MYO1B: variants seen among roughly 807,000 people sequenced by gnomAD.
MYO1B encodes the protein unconventional myosin-Ib.
Under a neutral mutation model 159.7 loss-of-function variants are expected in MYO1B, and 72 were observed. That is an observed-to-expected ratio of 0.45 (90% CI 0.37 to 0.55). The LOEUF is 0.55. MYO1B is among the 20% of genes least tolerant of loss of function. MYO1B has a pLI of 0.00. For synonymous variants in MYO1B, 468 were observed against 473.8 expected, an observed-to-expected ratio of 0.99 and a Z score of 0.16; for missense variants, 1,062 against 1,364.8, an observed-to-expected ratio of 0.78 and a Z score of 3.50.
Position 191,245,464 on chromosome 2 carries a change from G to A in MYO1B, c.-172G>A, listed in dbSNP as rs996427666. On this transcript the variant is annotated 5_prime_UTR_variant, in exon 1 of 31. Transcript: ENST00000392318. ...ACCGCGGCGCGTGGAGGCAGTACCA[G>A]AGCGCGCGGCGCGCAGTCGGCCGGC... 6.6e-6 allele frequency: 1 copy of A among 152,064 alleles called. No homozygotes were observed. The highest frequency in any genetic ancestry group is 2.4e-5 in the African/African-American group (1 of 41,432). The allele number at this position is 152,064 out of a possible 1,614,324, so 9.4% of individuals were successfully genotyped here. A position where few individuals can be genotyped will look rare whatever the true frequency, so the allele number is the denominator to read the frequency against.
intron 21 of MYO1B, among the ~76,000 whole-genome samples, chr2:191,398,786 G>A (rs1338748030): frequency 1.3e-5 from 2 of 151,810 alleles, no homozygotes; most frequent in African/African-American, 4.8e-5. Flanking sequence ...TCCAGACTGG[G>A]CAGCCAGGCA....
At chr2:191,412,923 G>A (rs576410297) in intron 27 of MYO1B, among the ~76,000 whole-genome samples, 9 of 152,276 alleles carry the variant, frequency 5.9e-5, no homozygotes, top group Non-Finnish European at 1.2e-4. Flanking sequence ...AGGAGAAGAG[G>A]CTTGATTCTC....
At chr2:191,294,941 G>T (rs560301069) in intron 2 of MYO1B, among the ~76,000 whole-genome samples, 105 of 152,026 alleles carry the variant, frequency 6.9e-4, no homozygotes, top group Non-Finnish European at 1.3e-3. Flanking sequence ...TAATTTTCTA[G>T]AAATATCTGA....
chr2:191,260,429 G>A (rs553346324), intron 1 of MYO1B, among the ~76,000 whole-genome samples: 3 of 151,682 alleles, frequency 2.0e-5, no homozygotes, highest in Admixed American at 1.3e-4. Flanking sequence ...AACATTGGTT[G>A]TTTTGGGGTT....
intron 4 of MYO1B, among the ~76,000 whole-genome samples, chr2:191,338,537 C>A (rs6721262): frequency 0.09 from 13,718 of 152,084 alleles, 2,026 homozygotes; most frequent in African/African-American, 0.31. Context: ...ACATTTGACC[C>A]TGAGAGAACT....
chr2:191,295,639 C>T (rs181801767), intron 2 of MYO1B, among the ~76,000 whole-genome samples: 1 of 151,974 alleles, frequency 6.6e-6, no homozygotes, highest in Non-Finnish European at 1.5e-5. Flanking sequence ...TGCAGAGGGC[C>T]AGTGCCAAAG....
intron 26 of MYO1B, among the ~76,000 whole-genome samples, chr2:191,410,152 C>T (rs1697172190): frequency 6.6e-6 from 1 of 152,168 alleles, no homozygotes; most frequent in African/African-American, 2.4e-5. Flanking sequence ...AACCCAGAAA[C>T]TGTTTTCAGA....
chr2:191,336,376 A>C (rs1423800526), intron 4 of MYO1B, among the ~76,000 whole-genome samples: 1 of 152,176 alleles, frequency 6.6e-6, no homozygotes, highest in Non-Finnish European at 1.5e-5. Flanking sequence ...CACAGTGTTG[A>C]AAATACCCAC....
At chr2:191,322,054 G>A (rs1347341291) in intron 3 of MYO1B, among the ~76,000 whole-genome samples, 2 of 152,182 alleles carry the variant, frequency 1.3e-5, no homozygotes, top group African/African-American at 4.8e-5. Flanking sequence ...TAATTTGTGA[G>A]ATAACAGCCT....
intron 29 of MYO1B, among the ~76,000 whole-genome samples, chr2:191,415,028 A>T (rs1372064893): frequency 2.0e-5 from 3 of 152,222 alleles, no homozygotes; most frequent in African/African-American, 7.2e-5. Context: ...CCGCCAGTTA[A>T]TTTTAACCTA....
At chr2:191,284,202 G>A (rs17412094) in intron 2 of MYO1B, among the ~76,000 whole-genome samples, 60,577 of 152,040 alleles carry the variant, frequency 0.4, 12,146 homozygotes, top group Middle Eastern at 0.53. Context: ...CAGGGGACAC[G>A]TGGCCAGTTA....
chr2:191,412,063 T>C (rs1697281325), intron 27 of MYO1B, among the ~76,000 whole-genome samples: 1 of 152,258 alleles, frequency 6.6e-6, no homozygotes, highest in South Asian at 2.1e-4. Flanking sequence ...TAAAGGAATA[T>C]ACATTGCCAG....
intron 11 of MYO1B, among the ~76,000 whole-genome samples, chr2:191,365,996 G>T (rs753246194): frequency 6.6e-6 from 1 of 152,174 alleles, no homozygotes; most frequent in Non-Finnish European, 1.5e-5. Context: ...GTCTGGGGTA[G>T]GACCGAGGAA....
chr2:191,324,791 A>G (rs1690948067), intron 3 of MYO1B, among the ~76,000 whole-genome samples: 1 of 152,164 alleles, frequency 6.6e-6, no homozygotes, highest in African/African-American at 2.4e-5. Context: ...GGTACAAATA[A>G]CTATAAAGAC....
chr2:191,274,056 A>G (rs556997106), intron 1 of MYO1B, among the ~76,000 whole-genome samples: 4 of 152,332 alleles, frequency 2.6e-5, no homozygotes, highest in African/African-American at 9.6e-5. Flanking sequence ...CCGTTTCCTT[A>G]GTGTCCTATT....
intron 1 of MYO1B, among the ~76,000 whole-genome samples, chr2:191,270,589 C>T (rs1052397251): frequency 3.3e-5 from 5 of 152,156 alleles, no homozygotes; most frequent in African/African-American, 4.8e-5. Flanking sequence ...AGATGAGATT[C>T]GGTGCTATTT....
chr2:191,273,689 C>G (rs1005223487), intron 1 of MYO1B, among the ~76,000 whole-genome samples: 24 of 152,164 alleles, frequency 1.6e-4, no homozygotes, highest in African/African-American at 4.6e-4. Context: ...ATTTTTGGTA[C>G]CCAGAACAGC....
intron 1 of MYO1B, among the ~76,000 whole-genome samples, chr2:191,261,676 G>T (rs1475588928): frequency 1.3e-5 from 2 of 152,184 alleles, no homozygotes; most frequent in Admixed American, 1.3e-4. Flanking sequence ...GACGTAGAGA[G>T]GGGTATGGGG....
chr2:191,314,177 C>T (rs576355052), intron 3 of MYO1B, among the ~76,000 whole-genome samples: 21 of 152,276 alleles, frequency 1.4e-4, no homozygotes, highest in African/African-American at 4.8e-4. Flanking sequence ...TGGTGAATTT[C>T]CACATTTCCA....
Sources: allele counts gnomAD v4.1 joint callset (sites outside exome capture counted in the v4.1 genomes callset), GRCh38; gene constraint gnomAD v4.1.1; transcripts MANE v1.5; gene names NCBI Gene and HGNC (gene_info 2026-07-23, HGNC 2026-07-21).